BBS9: variants seen among roughly 807,000 people sequenced by gnomAD.
The protein encoded by BBS9 is Bardet-Biedl syndrome 9.
BBS9 carries 89 observed loss-of-function variants against 117.7 expected under a neutral mutation model. That is an observed-to-expected ratio of 0.76 (90% confidence interval 0.64 to 0.90). The LOEUF is 0.90. Among genes scored for constraint, BBS9 ranks in the 40% least tolerant of loss-of-function variants. BBS9 has a pLI of 0.00. For synonymous variants in BBS9, 379 were observed against 370.9 expected, an observed-to-expected ratio of 1.02 and a Z score of -0.25; for missense variants, 982 against 1,042.2, an observed-to-expected ratio of 0.94 and a Z score of 0.80.
chr7:33,291,813 C>G (rs1442339971), intron 9 of BBS9, among the ~76,000 whole-genome samples: 2 of 152,134 alleles, frequency 1.3e-5, no homozygotes, highest in Non-Finnish European at 2.9e-5. Flanking sequence ...GAAACAAGGC[C>G]TTTGTCTTGC....
At chr7:33,610,969 G>A (rs753698737), downstream of BBS9, among the ~76,000 whole-genome samples, 2 of 151,996 alleles carry the variant, frequency 1.3e-5, no homozygotes, top group African/African-American at 2.4e-5. Context: ...TCCATGAATT[G>A]TCCCAAAAGG....
At chr7:33,170,818 CAGAG>C (rs1796436648) in intron 4 of BBS9, among the ~76,000 whole-genome samples, 1 of 151,612 alleles carries the variant, frequency 6.6e-6, no homozygotes, top group African/African-American at 2.4e-5. Context: ...AACAGACAAA[CAGAG>C]AGCCAAATCA....
At chr7:33,211,436 T>C (rs1787987311) in intron 5 of BBS9, among the ~76,000 whole-genome samples, 1 of 152,180 alleles carries the variant, frequency 6.6e-6, no homozygotes, top group South Asian at 2.1e-4. Context: ...AAAACAAACA[T>C]GCAAAAGAAA....
chr7:33,205,145 A>G (rs1220637922), intron 5 of BBS9, among the ~76,000 whole-genome samples: 4 of 152,186 alleles, frequency 2.6e-5, no homozygotes, highest in African/African-American at 9.6e-5. Flanking sequence ...TTAGTACACT[A>G]ACCTTCTTCT....
intron 19 of BBS9, among the ~76,000 whole-genome samples, chr7:33,501,864 C>G (rs1845495981): frequency 6.6e-6 from 1 of 152,106 alleles, no homozygotes; most frequent in Non-Finnish European, 1.5e-5. Flanking sequence ...GCCCAGCCTA[C>G]CTTTTTAATG....
intron 9 of BBS9, among the ~76,000 whole-genome samples, chr7:33,294,290 CATCTATCTATCTATCTATCTATCTATCT>C (rs57892221): frequency 1.4e-3 from 204 of 141,310 alleles, no homozygotes; most frequent in African/African-American, 3.4e-3. Flanking sequence ...ATCTATCTAT[CATCTATCTATCTATCTATCTATCTATCT>C]ATCTATCTAT....
chr7:33,134,328 G>A (rs955778214), intron 1 of BBS9, among the ~76,000 whole-genome samples: 3 of 150,772 alleles, frequency 2.0e-5, no homozygotes, highest in Non-Finnish European at 4.4e-5. Flanking sequence ...GCCTCCCAAC[G>A]TGCTGGGATT....
intron 20 of BBS9, among the ~76,000 whole-genome samples, chr7:33,505,917 A>G (rs1191659031): frequency 1.3e-5 from 2 of 152,232 alleles, no homozygotes; most frequent in African/African-American, 4.8e-5. Context: ...CCAGGGAAAC[A>G]GTCATTTGAC....
chr7:33,295,808 G>C (rs1020578222), intron 9 of BBS9, among the ~76,000 whole-genome samples: 6 of 151,890 alleles, frequency 4.0e-5, no homozygotes, highest in African/African-American at 1.5e-4. Context: ...AGAAAATATT[G>C]TAATTGGAAT....
At chr7:33,406,728 A>G (rs917105916) in intron 19 of BBS9, among the ~76,000 whole-genome samples, 3 of 151,920 alleles carry the variant, frequency 2.0e-5, no homozygotes, top group African/African-American at 7.3e-5. Flanking sequence ...TTCTGGGTTG[A>G]CAGTTCTTTT....
At chr7:33,437,699 C>T (rs1048730232) in intron 19 of BBS9, among the ~76,000 whole-genome samples, 3 of 152,004 alleles carry the variant, frequency 2.0e-5, no homozygotes, top group Non-Finnish European at 4.4e-5. Flanking sequence ...CATGGTGAAA[C>T]TCCGTCTCTA....
chr7:33,238,574 G>A (rs1207381330), intron 5 of BBS9, among the ~76,000 whole-genome samples: 2 of 152,134 alleles, frequency 1.3e-5, no homozygotes, highest in African/African-American at 4.8e-5. Context: ...GATTACAGGT[G>A]TGAGACAACA....
intron 19 of BBS9, among the ~76,000 whole-genome samples, chr7:33,463,021 A>T (rs1839690309): frequency 6.6e-6 from 1 of 152,086 alleles, no homozygotes; most frequent in South Asian, 2.1e-4. Flanking sequence ...TGGGTGAAAT[A>T]AGGGTGTGTG....
chr7:33,474,853 G>A (rs1172517516), intron 19 of BBS9, among the ~76,000 whole-genome samples: 8 of 152,168 alleles, frequency 5.3e-5, no homozygotes, highest in Admixed American at 5.2e-4. Flanking sequence ...GGCTGAGGCA[G>A]AGAATTGCTT....
intron 21 of BBS9, among the ~76,000 whole-genome samples, chr7:33,560,946 T>C (rs1433608260): frequency 2.6e-5 from 4 of 152,224 alleles, no homozygotes; most frequent in Admixed American, 6.5e-5. Flanking sequence ...CTATTTTTAA[T>C]TGAACATGTC....
chr7:33,320,577 C>T (rs895196484), intron 9 of BBS9, among the ~76,000 whole-genome samples: 7 of 152,114 alleles, frequency 4.6e-5, no homozygotes, highest in Admixed American at 2.6e-4. Flanking sequence ...CTCCAATCTA[C>T]TGATTTCCTT....
chr7:33,391,009 G>A (rs1365393601), intron 19 of BBS9, among the ~76,000 whole-genome samples: 2 of 152,144 alleles, frequency 1.3e-5, no homozygotes, highest in African/African-American at 4.8e-5. Flanking sequence ...ACAGTCTGTA[G>A]TATGGACAAT....
Position 33,484,422 on chromosome 7 carries a change from A to G in BBS9, c.2116-21041A>G, listed in dbSNP as rs115297522. Among the ~76,000 whole-genome samples, 1,055 of 152,364 alleles carry G rather than the reference A, an allele frequency of 6.9e-3. 14 individuals carry two copies. The highest frequency in any genetic ancestry group is 0.023 in the African/African-American group (967 of 41,588). ...TTAAAATATTCTTAATGTTTTAAAG[A>G]AACAGAACACATACTTATTTTTCTT... On this transcript the variant is annotated intron_variant, in intron 19 of 22. Coordinates refer to ENST00000242067, the MANE Select transcript of BBS9 (RefSeq NM_198428.3).
intron 21 of BBS9, among the ~76,000 whole-genome samples, chr7:33,630,192 C>G (rs1030072253): frequency 6.6e-6 from 1 of 152,058 alleles, no homozygotes. Context: ...ATAAGCAAAG[C>G]AAAACAGATC....
Sources: gnomAD v4.1 joint callset for allele counts (sites outside exome capture counted in the v4.1 genomes callset) on GRCh38, gnomAD v4.1.1 for gene constraint, MANE v1.5 for transcripts, NCBI Gene and HGNC (gene_info 2026-07-23, HGNC 2026-07-21) for gene names.